FANCI: variants seen among roughly 807,000 people sequenced by gnomAD.
FANCI encodes Fanconi anemia group I protein.
Under a neutral mutation model 176.1 loss-of-function variants are expected in FANCI, and 156 were observed. The observed-to-expected ratio is 0.89, with a 90% CI of 0.78 to 1.01. FANCI has a LOEUF of 1.01. Ranked by LOEUF, FANCI falls within the 50% of genes least tolerant of loss-of-function variation. The pLI is 0.00. For missense variants in FANCI, 1,678 were observed against 1,534.1 expected (o/e 1.09, Z -1.57); for synonymous variants, 613 against 541.7 (o/e 1.13, Z -1.83).
intron 10 of FANCI, among the ~76,000 whole-genome samples, chr15:89,271,282 T>G (rs2053190576): frequency 6.6e-6 from 1 of 152,194 alleles, no homozygotes; most frequent in Non-Finnish European, 1.5e-5. Flanking sequence ...TTTATCACCC[T>G]GTAAGATCTT....
intron 36 of FANCI, 60 bp from the exon 37 acceptor site, chr15:89,315,222 A>T: frequency 7.8e-7 from 1 of 1,282,868 alleles, no homozygotes; most frequent in Non-Finnish European, 1.1e-6. Context: ...AAAATGGCTT[A>T]AGCTGTTCTG....
rs2054482551 is a variant in FANCI, at chr15:89,300,353, C to CA, written c.2858dup (p.Arg954GlufsTer18). On this transcript the variant is annotated frameshift_variant, in exon 26 of 38. Coordinates refer to ENST00000310775, the MANE Select transcript of FANCI (RefSeq NM_001113378.2). LOFTEE classifies it high-confidence loss of function. ...AGAAGATGCAGATGTCAGTGTCACTCAGAGAACAGCATTCCAGATCCGGCA... is the reference window on the plus strand; with the variant it reads ...AGAAGATGCAGATGTCAGTGTCACTCAAGAGAACAGCATTCCAGATCCGGCA... 4.3e-6 allele frequency: 7 copies of CA among 1,613,934 alleles called. No homozygotes were observed. Among genetic ancestry groups the CA allele is most frequent in the Non-Finnish European group, 5.9e-6 (7 of 1,179,886 alleles).
In FANCI at chr15:89,316,789, T is replaced by G; in HGVS notation, c.*330T>G. 1 of 1,614,064 alleles carries G rather than the reference T, an allele frequency of 6.2e-7. No individual in the cohort carries two copies. Among genetic ancestry groups the G allele is most frequent in the Non-Finnish European group, 8.5e-7 (1 of 1,179,910 alleles). ...TGGCTTCGTTTTTCCAAGGAGCCTTTGGTGAGTTCAATTATCTGGTAAATA... is the reference window on the plus strand; with the variant it reads ...TGGCTTCGTTTTTCCAAGGAGCCTTGGGTGAGTTCAATTATCTGGTAAATA... On this transcript the variant is annotated 3_prime_UTR_variant, in exon 38 of 38. Transcript: ENST00000310775.
intron 9 of FANCI, among the ~76,000 whole-genome samples, chr15:89,265,281 C>G (rs1596250780): frequency 6.6e-6 from 1 of 152,194 alleles, no homozygotes; most frequent in Admixed American, 6.5e-5. Context: ...GATCTCAGCT[C>G]ACTGCATCTT....
chr15:89,284,193 G>A (rs559373555), intron 17 of FANCI, among the ~76,000 whole-genome samples: 1 of 152,224 alleles, frequency 6.6e-6, no homozygotes, highest in South Asian at 2.1e-4. Context: ...TTACGTCATT[G>A]TATTTACTTT....
chr15:89,269,766 C>T, intron 10 of FANCI, among the ~76,000 whole-genome samples: 1 of 151,914 alleles, frequency 6.6e-6, no homozygotes. Context: ...ACACTGAAAT[C>T]TGAATTTTAT....
At chr15:89,308,869 C>A (rs1239942712) in intron 34 of FANCI, among the ~76,000 whole-genome samples, 2 of 151,834 alleles carry the variant, frequency 1.3e-5, no homozygotes, top group Non-Finnish European at 2.9e-5. Context: ...TCGCCTGAAC[C>A]TGGAGGGCGG....
chr15:89,280,975 A>G (rs1041760923), intron 14 of FANCI, among the ~76,000 whole-genome samples, 195 bp from the exon 15 acceptor site: 1 of 152,238 alleles, frequency 6.6e-6, no homozygotes, highest in African/African-American at 2.4e-5. Flanking sequence ...TGAAACTATC[A>G]TAGAAAAAAG....
chr15:89,309,001 T>C (rs1231714190), intron 34 of FANCI, among the ~76,000 whole-genome samples: 1 of 151,892 alleles, frequency 6.6e-6, no homozygotes, highest in African/African-American at 2.4e-5. Context: ...TGGGTTTAGC[T>C]GAAGGAGTTC....
chr15:89,248,378 AT>A (rs1238613953), intron 2 of FANCI, among the ~76,000 whole-genome samples: 1 of 151,976 alleles, frequency 6.6e-6, no homozygotes, highest in Non-Finnish European at 1.5e-5. Flanking sequence ...GTATCATGGG[AT>A]TTTTTTCCTT....
At chr15:89,313,261 G>GA (rs35546665) in intron 35 of FANCI, among the ~76,000 whole-genome samples, 15 of 151,658 alleles carry the variant, frequency 9.9e-5, no homozygotes, top group Non-Finnish European at 1.9e-4. Flanking sequence ...TGCAAATACT[G>GA]AAAAAAAAGT....
rs745623288 is a variant in FANCI at position 89,273,412 on chromosome 15, T to G, written c.918T>G (p.Ser306Arg). 1.2e-6 allele frequency: 2 copies of G among 1,607,070 alleles called. No homozygotes were observed. Among genetic ancestry groups the G allele is most frequent in the East Asian group, 2.2e-5 (1 of 44,678 alleles). ...AAGGAGATTCCAATAATAACTTAAG[T>G]CCCTTCAGCATTGCTCTTCTTCTGT... The part of the protein sequence containing the change: ...GQQGDSNNNL[S>R]PFSIALLLSV... The change falls in exon 11 of 38, where the codon AGT becomes AGG. Residue 306 changes from serine (S) to arginine (R), a missense_variant. Transcript: ENST00000310775.
chr15:89,268,359 C>T (rs778351627), intron 9 of FANCI, 40 bp from the exon 10 acceptor site: 1 of 1,612,850 alleles, frequency 6.2e-7, no homozygotes, highest in South Asian at 1.1e-5. Flanking sequence ...GCATGAGCCA[C>T]TGCACCTTAT....
At chr15:89,315,492 G>A (rs2055194728) in intron 37 of FANCI, 103 bp downstream of exon 37, 1 of 797,146 alleles carries the variant, frequency 1.3e-6, no homozygotes, top group Non-Finnish European at 2.2e-6. Flanking sequence ...GAATGGGAAA[G>A]GGCTAAAAGG....
At chr15:89,296,906 G>T (rs1249059250) in intron 24 of FANCI, among the ~76,000 whole-genome samples, 1 of 148,520 alleles carries the variant, frequency 6.7e-6, no homozygotes. Flanking sequence ...GGGGCGGCTG[G>T]CCGGGCGGGG....
In FANCI at chr15:89,315,027, T is replaced by C. The variant is rs117760248; in HGVS notation, c.3817-255T>C. 0.045 allele frequency among the ~76,000 whole-genome samples: 6,897 copies of C among 152,126 alleles called. 209 individuals carry two copies. Among genetic ancestry groups the C allele is most frequent in the Non-Finnish European group, 0.07 (4,790 of 67,960 alleles). On this transcript the variant is annotated intron_variant, in intron 36 of 37. Coordinates refer to ENST00000310775, the MANE Select transcript of FANCI (RefSeq NM_001113378.2). ...TCTCACTATGCTGCCCAGGCTGGTC[T>C]CAAACTCCTGGCCTGAAGTGATCCT...
intron 10 of FANCI, among the ~76,000 whole-genome samples, 187 bp from the exon 11 acceptor site, chr15:89,273,190 G>A (rs1464314175): frequency 2.0e-5 from 3 of 151,478 alleles, no homozygotes; most frequent in Non-Finnish European, 4.4e-5. Context: ...TATAGTCCCA[G>A]CTACTTGGGA....
intron 19 of FANCI, among the ~76,000 whole-genome samples, chr15:89,291,272 C>G (rs1041399044): frequency 3.3e-5 from 5 of 152,072 alleles, no homozygotes; most frequent in African/African-American, 1.2e-4. Flanking sequence ...TTTATAAAAA[C>G]CAGTAATAAG....
At chr15:89,308,106 G>A (rs2054798354) in intron 34 of FANCI, 2 of 1,109,474 alleles carry the variant, frequency 1.8e-6, no homozygotes, top group Non-Finnish European at 2.2e-6. Context: ...AGTGTCATTT[G>A]GTCCTAAATA....
Sources: gnomAD v4.1 joint callset for allele counts (sites outside exome capture counted in the v4.1 genomes callset) on GRCh38, gnomAD v4.1.1 for gene constraint, MANE v1.5 for transcripts, NCBI Gene and HGNC (gene_info 2026-07-23, HGNC 2026-07-21) for gene names.